Variants in NOTO observed in about 807,000 individuals in gnomAD.
The protein encoded by NOTO is notochord homeobox.
A neutral mutation model predicts 20.5 loss-of-function variants in NOTO; 19 were observed. The observed-to-expected ratio is 0.93, with a 90% CI of 0.65 to 1.36. The LOEUF is 1.36. NOTO is among the 40% of genes most tolerant of loss of function. NOTO has a pLI of 0.00. For synonymous variants in NOTO, 150 were observed against 150.2 expected (o/e 1.00, Z 0.01); for missense variants, 369 against 336.2 (o/e 1.10, Z -0.76).
At chr2:73,203,839 G>A (rs1686044161) in intron 1 of NOTO, among the ~76,000 whole-genome samples, 1 of 149,962 alleles carries the variant, frequency 6.7e-6, no homozygotes, top group Non-Finnish European at 1.5e-5. Context: ...GGTGGCTCAC[G>A]CCTGTAATCC....
chr2:73,206,132 T>C (rs1686085250), intron 1 of NOTO, among the ~76,000 whole-genome samples: 1 of 152,238 alleles, frequency 6.6e-6, no homozygotes. Flanking sequence ...TTTACCTTTT[T>C]ACATTTAAAT....
intron 1 of NOTO, among the ~76,000 whole-genome samples, chr2:73,204,870 A>AT (rs763001329): frequency 0.011 from 1,013 of 92,860 alleles, 96 homozygotes; most frequent in African/African-American, 0.022. Flanking sequence ...TGCCCGGCTA[A>AT]TTTTTTTTAT....
At position 73,211,325 on chromosome 2, in the gene NOTO, GTTT is replaced by G. The variant is rs1287022081; in HGVS notation, c.*401_*403del. 1 of 151,830 alleles carries G rather than the reference GTTT, an allele frequency of 6.6e-6. No homozygotes were observed. Among genetic ancestry groups the G allele is most frequent in the African/African-American group, 2.6e-5 (1 of 38,550 alleles). The allele number at this position is 151,830 out of a possible 1,614,324, so 9.4% of individuals were successfully genotyped here. A position where few individuals can be genotyped will look rare whatever the true frequency, so the allele number is the denominator to read the frequency against. Reference sequence around the variant, plus strand: ...GAGAAGACCAACTGGAAAAAAAAAAGTTTTTTTCTTCTGCTGTCACCCCACAAC... The same window carrying G: ...GAGAAGACCAACTGGAAAAAAAAAAGTTTTCTTCTGCTGTCACCCCACAAC... On this transcript the variant is annotated 3_prime_UTR_variant, in exon 3 of 3. Coordinates refer to ENST00000398468, the MANE Select transcript of NOTO (RefSeq NM_001134462.2).
intron 2 of NOTO, among the ~76,000 whole-genome samples, chr2:73,210,135 A>G (rs959173865): frequency 6.6e-6 from 1 of 152,194 alleles, no homozygotes; most frequent in Non-Finnish European, 1.5e-5. Flanking sequence ...CCCACGTAAA[A>G]GCCTCATGGG....
At position 73,210,829 on chromosome 2, in the gene NOTO, C is replaced by T; in HGVS notation, c.656C>T (p.Ala219Val). ...VKYQKQQKLR[A>V]AVTSAEAASL... ...TATCAGAAGCAGCAAAAGCTGAGGG[C>T]AGCAGTTACATCTGCCGAGGCTGCC... The change falls in exon 3 of 3, where the codon GCA (alanine) becomes GTA (valine). Residue 219 changes from alanine (A) to valine (V), a missense_variant. Ala to Val is a moderately conservative substitution (Grantham distance 64). Transcript: ENST00000398468. The T allele has an allele frequency of 3.2e-6, 5 of 1,551,616 alleles. No homozygotes were observed. Among genetic ancestry groups the T allele is most frequent in the Non-Finnish European group, 4.4e-6 (5 of 1,146,916 alleles).
Position 73,207,141 on chromosome 2 carries a change from C to T in NOTO, c.383-1259C>T, listed in dbSNP as rs111443159. On this transcript the variant is annotated intron_variant, in intron 1 of 2. Transcript: ENST00000398468. ...CACACAGTACAGCCTACTTTCTTCT[C>T]CAAAGGTCAATTTCTGATTCTGAAA... is the stretch of plus-strand genomic sequence containing the variant. Among the ~76,000 whole-genome samples the T allele has an allele frequency of 2.5e-3, 383 of 152,198 alleles. 2 individuals carry two copies. Among genetic ancestry groups the T allele is most frequent in the African/African-American group, 8.9e-3 (370 of 41,518 alleles).
rs757762792 is a variant in NOTO, at chr2:73,202,684, G to A, written c.18G>A (p.Pro6=). The change falls in exon 1 of 3, where the codon CCG becomes CCA. Residue 6 remains proline, a synonymous_variant. Transcript: ENST00000398468. ...GCCGCGTCATGCCTAGCCCCAGGCC[G>A]CGAGGCAGCCCGCCACCCGCTCCCT... MPSPR[P]RGSPPPAPSG... The A allele has an allele frequency of 2.5e-5, 37 of 1,498,114 alleles. No individual in the cohort carries two copies. Among genetic ancestry groups the A allele is most frequent in the Admixed American group, 1.5e-4 (7 of 46,494 alleles). The allele number at this position is 1,498,114 out of a possible 1,614,324, so 92.8% of individuals were successfully genotyped here.
rs1254699491 is a variant in NOTO, at chr2:73,211,798, A to T, written c.*869A>T. The T allele has an allele frequency of 6.6e-6, 1 of 152,150 alleles. No homozygotes were observed. The highest frequency in any genetic ancestry group is 2.4e-5 in the African/African-American group (1 of 41,424). 9.4% of individuals were successfully genotyped at this position (152,150 alleles called of 1,614,324 possible). A position where few individuals can be genotyped will look rare whatever the true frequency, so the allele number is the denominator to read the frequency against. On this transcript the variant is annotated 3_prime_UTR_variant, in exon 3 of 3. Coordinates refer to ENST00000398468, the MANE Select transcript of NOTO (RefSeq NM_001134462.2). ...CCCTTTTTGTTTTTTATGGAGTCTTAAGGTCTACCAGTCATCAGTCAACTC... is the reference window on the plus strand; with the variant it reads ...CCCTTTTTGTTTTTTATGGAGTCTTTAGGTCTACCAGTCATCAGTCAACTC...
At position 73,211,660 on chromosome 2, in the gene NOTO, G is replaced by C. The variant is rs1398737548; in HGVS notation, c.*731G>C. 6.6e-6 allele frequency: 1 copy of C among 152,200 alleles called. No homozygotes were observed. Among genetic ancestry groups the C allele is most frequent in the Non-Finnish European group, 1.5e-5 (1 of 68,062 alleles). The allele number at this position is 152,200 out of a possible 1,614,324, so 9.4% of individuals were successfully genotyped here. A position where few individuals can be genotyped will look rare whatever the true frequency, so the allele number is the denominator to read the frequency against. On this transcript the variant is annotated 3_prime_UTR_variant, in exon 3 of 3. Transcript: ENST00000398468. ...AATTTTTATATTTTTAGTAGAGACGGGGTTTCATCATATGGTCAGGCTGGT... is the reference window on the plus strand; with the variant it reads ...AATTTTTATATTTTTAGTAGAGACGCGGTTTCATCATATGGTCAGGCTGGT...
In NOTO at chr2:73,202,689, G is replaced by C; in HGVS notation, c.23G>C (p.Gly8Ala). The C allele has an allele frequency of 6.7e-7, 1 of 1,503,414 alleles. No homozygotes were observed. Among genetic ancestry groups the C allele is most frequent in the Non-Finnish European group, 8.8e-7 (1 of 1,133,388 alleles). 93.1% of individuals were successfully genotyped at this position (1,503,414 alleles called of 1,614,324 possible). The change falls in exon 1 of 3, where the codon GGC becomes GCC. Residue 8 changes from glycine (G) to alanine (A), a missense_variant. Transcript: ENST00000398468. MPSPRPR[G>A]SPPPAPSGSR... ...GTCATGCCTAGCCCCAGGCCGCGAGGCAGCCCGCCACCCGCTCCCTCGGGC... is the reference window on the plus strand; with the variant it reads ...GTCATGCCTAGCCCCAGGCCGCGAGCCAGCCCGCCACCCGCTCCCTCGGGC...
chr2:73,203,438 G>T (rs1686035370), intron 1 of NOTO, among the ~76,000 whole-genome samples: 1 of 151,520 alleles, frequency 6.6e-6, no homozygotes, highest in South Asian at 2.1e-4. Flanking sequence ...TCCCAAAGCG[G>T]CTCTCGACCC....
intron 2 of NOTO, among the ~76,000 whole-genome samples, chr2:73,210,255 C>T (rs1686160544): frequency 6.6e-6 from 1 of 152,226 alleles, no homozygotes; most frequent in East Asian, 1.9e-4. Context: ...TGCTCTCCTC[C>T]TTCCTGGTCC....
At chr2:73,209,482 C>A (rs1453298863) in intron 2 of NOTO, among the ~76,000 whole-genome samples, 1 of 135,760 alleles carries the variant, frequency 7.4e-6, no homozygotes, top group African/African-American at 2.9e-5. Context: ...TCAGCTCAGT[C>A]CACCACTCAG....
At position 73,202,930 on chromosome 2, in the gene NOTO, G is replaced by C. The variant is rs1210009100; in HGVS notation, c.264G>C (p.Gly88=). The change falls in exon 1 of 3, where the codon GGG becomes GGC. Residue 88 remains glycine (G), a synonymous_variant. Coordinates refer to ENST00000398468, the MANE Select transcript of NOTO (RefSeq NM_001134462.2). ...CCGCTGCTTCCCTGTGCGCCACCGG[G>C]GGTCTGCCCTGGGCTTGCCCGACAT... The part of the protein sequence containing the change: ...FWTAASLCAT[G]GLPWACPTSW... 2 of 1,524,560 alleles carry C rather than the reference G, an allele frequency of 1.3e-6. No homozygotes were observed. Among genetic ancestry groups the C allele is most frequent in the Middle Eastern group, 1.7e-4 (1 of 5,878 alleles). The allele number at this position is 1,524,560 out of a possible 1,614,324, so 94.4% of individuals were successfully genotyped here.
At chr2:73,205,558 A>G (rs1686078006) in intron 1 of NOTO, among the ~76,000 whole-genome samples, 1 of 152,146 alleles carries the variant, frequency 6.6e-6, no homozygotes, top group Non-Finnish European at 1.5e-5. Context: ...TTTTCTGTGT[A>G]TTGGCCTTTG....
chr2:73,205,467 C>T (rs1686076904), intron 1 of NOTO, among the ~76,000 whole-genome samples: 1 of 152,162 alleles, frequency 6.6e-6, no homozygotes, highest in Non-Finnish European at 1.5e-5. Flanking sequence ...CACTGAACTC[C>T]AGCCTGGGCA....
At position 73,202,652 on chromosome 2, in the gene NOTO, G is replaced by T; in HGVS notation, c.-15G>T. 1 of 1,436,956 alleles carries T rather than the reference G, an allele frequency of 7.0e-7. No individual in the cohort carries two copies. The highest frequency in any genetic ancestry group is 9.1e-7 in the Non-Finnish European group (1 of 1,104,822). The allele number at this position is 1,436,956 out of a possible 1,614,324, so 89.0% of individuals were successfully genotyped here. On this transcript the variant is annotated 5_prime_UTR_variant, in exon 1 of 3. Transcript: ENST00000398468. ...GAGCTCCCTTCCTTGCGTCCGTCCG[G>T]GCAACGGCCGCGTCATGCCTAGCCC...
intron 1 of NOTO, among the ~76,000 whole-genome samples, chr2:73,205,390 G>A (rs368321856): frequency 5.3e-5 from 8 of 152,110 alleles, no homozygotes; most frequent in Admixed American, 3.9e-4. Flanking sequence ...GCGCACCTTG[G>A]CGGGGGCTGA....
chr2:73,204,899 T>TTA (rs1686068876), intron 1 of NOTO, among the ~76,000 whole-genome samples: 1 of 130,410 alleles, frequency 7.7e-6, no homozygotes, highest in African/African-American at 3.1e-5. Flanking sequence ...TTTTTTTTTT[T>TTA]GAGGCGGAGT....
Sources: gnomAD v4.1 joint callset for allele counts (sites outside exome capture counted in the v4.1 genomes callset) on GRCh38, gnomAD v4.1.1 for gene constraint, MANE v1.5 for transcripts, NCBI Gene and HGNC (gene_info 2026-07-23, HGNC 2026-07-21) for gene names.